The following DYNC2H1 variants were observed in gnomAD, a reference collection of about 807,000 sequenced individuals.
The protein encoded by DYNC2H1 is dynein cytoplasmic 2 heavy chain 1, also known as cytoplasmic dynein 2 heavy chain 1.
In DYNC2H1, 410 loss-of-function variants were observed where a neutral mutation model predicts 570.0. The observed-to-expected ratio is 0.72, with a 90% CI of 0.66 to 0.78. The LOEUF (loss-of-function observed/expected upper bound fraction) is 0.78. DYNC2H1 is among the 30% of genes least tolerant of loss of function. The probability of loss-of-function intolerance (pLI) is 0.00; values close to 1 mark genes in which losing one functional copy is unlikely to be tolerated. For synonymous variants in DYNC2H1, 1,688 were observed against 1,677.6 expected (o/e 1.01, Z -0.15); for missense variants, 4,865 against 5,046.4 (o/e 0.96, Z 1.09).
chr11:103,194,316 C>G (rs138524735), intron 47 of DYNC2H1, among the ~76,000 whole-genome samples: 53 of 151,598 alleles, frequency 3.5e-4, no homozygotes, highest in African/African-American at 1.2e-3. Flanking sequence ...AACCCTTTAT[C>G]TACTGAAAGA....
At chr11:103,271,275 C>T (rs1023135691) in intron 70 of DYNC2H1, among the ~76,000 whole-genome samples, 1 of 152,138 alleles carries the variant, frequency 6.6e-6, no homozygotes, top group Non-Finnish European at 1.5e-5. Flanking sequence ...CAATTTTCTT[C>T]TGCTTAAATA....
chr11:103,420,800 T>G (rs750131348), intron 84 of DYNC2H1, among the ~76,000 whole-genome samples: 19 of 152,120 alleles, frequency 1.2e-4, no homozygotes, highest in Non-Finnish European at 2.4e-4. Flanking sequence ...CCAGTGACAC[T>G]ATGGAGAAAC....
rs558653824 is a variant in DYNC2H1, at chr11:103,277,944, G to T, written c.10696-2404G>T. 1.3e-5 allele frequency among the ~76,000 whole-genome samples: 2 copies of T among 152,286 alleles called. No homozygotes were observed. The highest frequency in any genetic ancestry group is 3.9e-4 in the East Asian group (2 of 5,174). On this transcript the variant is annotated intron_variant, in intron 70 of 88. Transcript: ENST00000375735. This position sits in a 1 kb window ranked among gnomAD's most constrained non-coding sequence, Gnocchi z 4.3. ...ATAATGTAATTCTTTAAGGGCCCAAGTTTTAGAAAGAAAGAAATCTCATTG... is the reference window on the plus strand; with the variant it reads ...ATAATGTAATTCTTTAAGGGCCCAATTTTTAGAAAGAAAGAAATCTCATTG...
At chr11:103,231,767 TTTAATGG>T (rs1171161515) in intron 60 of DYNC2H1, among the ~76,000 whole-genome samples, 4 of 152,046 alleles carry the variant, frequency 2.6e-5, no homozygotes, top group Non-Finnish European at 5.9e-5. Flanking sequence ...TACTTCCTTT[TTTAATGG>T]AAGCAAAACT....
At chr11:103,178,897 C>G in intron 38 of DYNC2H1, 129 bp from the exon 39 acceptor site, 1 of 860,972 alleles carries the variant, frequency 1.2e-6, no homozygotes, top group South Asian at 2.2e-5. Context: ...GCCAGGATTG[C>G]GCATGGGTTC....
Position 103,253,410 on chromosome 11 carries a change from G to T in DYNC2H1, c.10168G>T (p.Val3390Phe), listed in dbSNP as rs1864918446. ...GGATGCAGCTTCCATTGTTACTGAG[G>T]TTAACTTTACTACAACAAGAAGTGG... is the stretch of plus-strand genomic sequence containing the variant. The part of the protein sequence containing the change: ...PPDAASIVTE[V>F]NFTTTRSGLR... Residue 3390 changes from valine to phenylalanine, a missense_variant, in exon 66 of 89, where the codon GTT becomes TTT. Transcript: ENST00000375735. The T allele has an allele frequency of 1.2e-6, 2 of 1,612,840 alleles. No individual in the cohort carries two copies. The highest frequency in any genetic ancestry group is 2.2e-5 in the South Asian group (2 of 90,996).
intron 86 of DYNC2H1, 79 bp downstream of exon 86, chr11:103,455,374 C>G (rs2135805964): frequency 9.5e-7 from 1 of 1,056,980 alleles, no homozygotes. Flanking sequence ...TTACACTGCC[C>G]TTGATTGTCA....
intron 10 of DYNC2H1, among the ~76,000 whole-genome samples, chr11:103,121,999 A>C (rs1351615885): frequency 6.6e-6 from 1 of 152,184 alleles, no homozygotes; most frequent in Non-Finnish European, 1.5e-5. Context: ...CTTACCTGCA[A>C]GTATGTTTAT....
At chr11:103,358,396 T>G (rs925950751) in intron 83 of DYNC2H1, 37 bp downstream of exon 83, 1 of 1,376,776 alleles carries the variant, frequency 7.3e-7, no homozygotes, top group African/African-American at 1.4e-5. Flanking sequence ...CTTTTGCTTT[T>G]TCTCCCGCAT....
chr11:103,125,502 C>T (rs1314766261), intron 12 of DYNC2H1, among the ~76,000 whole-genome samples: 1 of 150,500 alleles, frequency 6.6e-6, no homozygotes, highest in Non-Finnish European at 1.5e-5. Context: ...TATTGCTTTT[C>T]ACTCTAAAAA....
rs952706149 is a variant in DYNC2H1, at chr11:103,125,005, A to G, written c.1662-95A>G. 4.4e-5 allele frequency: 39 copies of G among 886,150 alleles called. No individual in the cohort carries two copies. In the African/African-American group the frequency reaches 6.3e-4, roughly 14 times the overall value. 54.9% of individuals were successfully genotyped at this position (886,150 alleles called of 1,614,324 possible). On this transcript the variant is annotated intron_variant, in intron 11 of 88. Coordinates refer to ENST00000375735, the MANE Select transcript of DYNC2H1 (RefSeq NM_001377.3). ...AAGTTTTTTTTTACTTTGAGCTAATATTAGATGTACAGAAAAGTTGTAAAA... is the reference window on the plus strand; with the variant it reads ...AAGTTTTTTTTTACTTTGAGCTAATGTTAGATGTACAGAAAAGTTGTAAAA...
In DYNC2H1 at chr11:103,173,238, T is replaced by C. The variant is rs1261274697; in HGVS notation, c.5491T>C (p.Tyr1831His). The change falls in exon 35 of 89, where the codon TAT becomes CAT. Residue 1831 changes from tyrosine to histidine, a missense_variant. Transcript: ENST00000375735. ...DNELIAEVIL[Y>H]SEGFKDAKVL... Reference sequence around the variant, plus strand: ...TGAGCTTATTGCAGAAGTTATTCTCTATTCGGAAGGCTTTAAAGACGCTAA... The same window carrying C: ...TGAGCTTATTGCAGAAGTTATTCTCCATTCGGAAGGCTTTAAAGACGCTAA... 1.2e-6 allele frequency: 2 copies of C among 1,601,182 alleles called. No individual in the cohort carries two copies.
Position 103,446,851 on chromosome 11 carries a change from C to T in DYNC2H1, c.12457-8335C>T, listed in dbSNP as rs182705078. Reference sequence around the variant, plus strand: ...CTTAAATAGGAGCTTGAACTATTCACAAAATAAGTTATAGTTATAAATTAT... The same window carrying T: ...CTTAAATAGGAGCTTGAACTATTCATAAAATAAGTTATAGTTATAAATTAT... On this transcript the variant is annotated intron_variant, in intron 85 of 88. Transcript: ENST00000375735. The surrounding 1 kb of genome is among the most constrained non-coding windows in gnomAD (Gnocchi z 4.5). 1.3e-5 allele frequency among the ~76,000 whole-genome samples: 2 copies of T among 152,092 alleles called. No homozygotes were observed. The highest frequency in any genetic ancestry group is 1.3e-4 in the Admixed American group (2 of 15,266).
In DYNC2H1 at chr11:103,197,789, A is replaced by G. The variant is rs1292559725; in HGVS notation, c.7709-144A>G. 3 of 892,220 alleles carry G rather than the reference A, an allele frequency of 3.4e-6. No homozygotes were observed. In the Admixed American group the frequency reaches 8.2e-5, roughly 24 times the overall value. 55.3% of individuals were successfully genotyped at this position (892,220 alleles called of 1,614,324 possible). ...CCTGATTTTATTGACCTTACAATGT[A>G]CACTTTAAAGTATTTTGCCTTTGCC... On this transcript the variant is annotated intron_variant, in intron 47 of 88. Coordinates refer to ENST00000375735, the MANE Select transcript of DYNC2H1 (RefSeq NM_001377.3).
intron 82 of DYNC2H1, among the ~76,000 whole-genome samples, chr11:103,351,187 C>CTGGG (rs1565518556): frequency 7.2e-5 from 11 of 152,080 alleles, no homozygotes; most frequent in Non-Finnish European, 1.3e-4. Flanking sequence ...TTCAAAATGT[C>CTGGG]CTTACTCATG....
At chr11:103,271,295 C>G (rs1865701527) in intron 70 of DYNC2H1, among the ~76,000 whole-genome samples, 1 of 152,090 alleles carries the variant, frequency 6.6e-6, no homozygotes, top group Non-Finnish European at 1.5e-5. Context: ...AACTTTGAAA[C>G]TCCTAGAATT....
At chr11:103,390,640 T>G (rs1255597733) in intron 83 of DYNC2H1, among the ~76,000 whole-genome samples, 1 of 152,236 alleles carries the variant, frequency 6.6e-6, no homozygotes, top group Admixed American at 6.5e-5. Flanking sequence ...TGGTACCAGT[T>G]GTTCCTTTCC....
chr11:103,430,354 G>A (rs1943844070), intron 84 of DYNC2H1, among the ~76,000 whole-genome samples: 2 of 152,016 alleles, frequency 1.3e-5, no homozygotes, highest in African/African-American at 2.4e-5. Context: ...AAGTCTTAAT[G>A]TAGATAAAAT....
At position 103,122,829 on chromosome 11, in the gene DYNC2H1, A is replaced by G; in HGVS notation, c.1490A>G (p.Asp497Gly). 1 of 1,612,128 alleles carries G rather than the reference A, an allele frequency of 6.2e-7. No homozygotes were observed. The highest frequency in any genetic ancestry group is 8.5e-7 in the Non-Finnish European group (1 of 1,179,018). The change falls in exon 11 of 89, where the codon GAT (aspartate) becomes GGT (glycine). Residue 497 changes from aspartate to glycine, a missense_variant. Asp to Gly is a moderately conservative substitution (Grantham distance 94). This residue lies in a region of DYNC2H1 where 1,936 missense variants were observed against 1,962.1 expected (regional missense o/e 0.99). Coordinates refer to ENST00000375735, the MANE Select transcript of DYNC2H1 (RefSeq NM_001377.3). ...TCTGTAATTTGGCTTTTTAAGGTAG[A>G]TGATACTATCAAGATTGCAGAGGCT... ...VWVRQLELKV[D>G]DTIKIAEALL...
Sources: gnomAD v4.1 joint callset for allele counts (sites outside exome capture counted in the v4.1 genomes callset) on GRCh38, gnomAD v4.1.1 for gene constraint, gnomAD v4.1.1 regional missense constraint, Gnocchi (gnomAD v3.1) non-coding constraint, MANE v1.5 for transcripts, NCBI Gene and HGNC (gene_info 2026-07-23, HGNC 2026-07-21) for gene names.